The following RAB2A variants were observed in gnomAD, a reference collection of about 807,000 sequenced individuals.
The protein encoded by RAB2A is ras-related protein Rab-2A.
In RAB2A, 7 loss-of-function variants were observed where a neutral mutation model predicts 32.5. That is an observed-to-expected ratio of 0.22 (90% CI 0.12 to 0.40). The LOEUF (loss-of-function observed/expected upper bound fraction) is 0.40. Among genes scored for constraint, RAB2A ranks in the 10% least tolerant of loss-of-function variants. The probability of loss-of-function intolerance (pLI) is 1.00; values close to 1 mark genes in which losing one functional copy is unlikely to be tolerated. For missense variants in RAB2A, 108 were observed against 260.7 expected (o/e 0.41, Z 4.03); for synonymous variants, 79 against 85.2 (o/e 0.93, Z 0.40).
At chr8:60,546,855 T>G (rs2130821064) in intron 1 of RAB2A, among the ~76,000 whole-genome samples, 1 of 151,526 alleles carries the variant, frequency 6.6e-6, no homozygotes, top group South Asian at 2.1e-4. Context: ...GGCCTGAGCA[T>G]CAGTTTGGGT....
chr8:60,600,866 A>C (rs1158168168), intron 6 of RAB2A, among the ~76,000 whole-genome samples: 3 of 152,232 alleles, frequency 2.0e-5, no homozygotes, highest in African/African-American at 7.2e-5. Context: ...TTGAAATGAT[A>C]AAAATTTTTG....
In RAB2A at chr8:60,572,755, A is replaced by T. The variant is rs573761177; in HGVS notation, c.186+642A>T. On this transcript the variant is annotated intron_variant, in intron 3 of 7. Transcript: ENST00000262646. ...ATTTTGTTTCAGAACTACTTTATAC[A>T]TTTAAAAATTAATGAAGACCCCCAA... is the stretch of plus-strand genomic sequence containing the variant. Among the ~76,000 whole-genome samples, 10 of 152,342 alleles carry T rather than the reference A, an allele frequency of 6.6e-5. No individual in the cohort carries two copies. In the East Asian group the frequency reaches 1.2e-3, roughly 18 times the overall value.
chr8:60,525,184 G>A (rs879269103), intron 1 of RAB2A, among the ~76,000 whole-genome samples: 3 of 152,182 alleles, frequency 2.0e-5, no homozygotes, highest in Non-Finnish European at 4.4e-5. Context: ...CACGTGTTGA[G>A]GGAGGGATCC....
In RAB2A at chr8:60,618,655, A is replaced by G; in HGVS notation, c.543+7A>G. 2 of 1,018,950 alleles carry G rather than the reference A, an allele frequency of 2.0e-6. No individual in the cohort carries two copies. The highest frequency in any genetic ancestry group is 2.6e-6 in the Non-Finnish European group (2 of 759,156). 63.1% of individuals were successfully genotyped at this position (1,018,950 alleles called of 1,614,324 possible). A position where few individuals can be genotyped will look rare whatever the true frequency, so the allele number is the denominator to read the frequency against. ...CTTTGACATTAATAATGAGGTATAT[A>G]CATATAAATATTGTTGGTCAATATT... On this transcript the variant is annotated splice_region_variant and intron_variant, in intron 7 of 7. Coordinates refer to ENST00000262646, the MANE Select transcript of RAB2A (RefSeq NM_002865.3).
chr8:60,558,362 A>G (rs567510164), intron 1 of RAB2A: 1 of 468,970 alleles, frequency 2.1e-6, no homozygotes, highest in African/African-American at 2.0e-5. Flanking sequence ...TGCAATTCAG[A>G]TTCCATTTGC....
chr8:60,546,453 A>G (rs1450843257), intron 1 of RAB2A, among the ~76,000 whole-genome samples: 1 of 152,220 alleles, frequency 6.6e-6, no homozygotes, highest in Non-Finnish European at 1.5e-5. Flanking sequence ...ACGAGTTGCT[A>G]GATCTCCAAA....
At chr8:60,608,656 C>G (rs1386952260) in intron 6 of RAB2A, among the ~76,000 whole-genome samples, 1 of 126,784 alleles carries the variant, frequency 7.9e-6, no homozygotes, top group Non-Finnish European at 1.6e-5. Flanking sequence ...TTTACCAGTT[C>G]TTTGTTCCAC....
intron 1 of RAB2A, among the ~76,000 whole-genome samples, chr8:60,530,538 C>A (rs2130810074): frequency 6.6e-6 from 1 of 152,256 alleles, no homozygotes; most frequent in African/African-American, 2.4e-5. Flanking sequence ...GATCCTCCCA[C>A]CTCGGCCTTC....
chr8:60,609,500 C>T (rs1804299246), intron 6 of RAB2A, among the ~76,000 whole-genome samples: 1 of 152,212 alleles, frequency 6.6e-6, no homozygotes, highest in African/African-American at 2.4e-5. Context: ...CTGCAACCCC[C>T]ACATGGTAGA....
At chr8:60,605,713 TC>T (rs1804217289) in intron 6 of RAB2A, among the ~76,000 whole-genome samples, 1 of 151,976 alleles carries the variant, frequency 6.6e-6, no homozygotes, top group Admixed American at 6.5e-5. Context: ...ATAGCCCCTT[TC>T]TTTTGGCCAA....
intron 1 of RAB2A, among the ~76,000 whole-genome samples, chr8:60,527,378 T>C (rs1382438659): frequency 6.6e-6 from 1 of 151,892 alleles, no homozygotes; most frequent in South Asian, 2.1e-4. Flanking sequence ...TAAAATAAGA[T>C]CAGAAGAGGT....
At position 60,592,161 on chromosome 8, in the gene RAB2A, A is replaced by AG. The variant is rs1037885960; in HGVS notation, c.474+192_474+193insG. On this transcript the variant is annotated intron_variant, in intron 6 of 7. Transcript: ENST00000262646. ...ACTCTTAAATCATATTGAGCCTTCT[A>AG]AAGCCTGAATGTTTTCTTACATTTT... The AG allele has an allele frequency of 1.1e-5, 4 of 365,830 alleles. No individual in the cohort carries two copies. The African/African-American group carries it at 1.4e-4, about 13-fold the overall frequency. The allele number at this position is 365,830 out of a possible 1,614,324, so 22.7% of individuals were successfully genotyped here.
chr8:60,587,741 T>C (rs1803873684), intron 5 of RAB2A, among the ~76,000 whole-genome samples: 1 of 151,234 alleles, frequency 6.6e-6, no homozygotes, highest in Non-Finnish European at 1.5e-5. Flanking sequence ...ATGATAAATA[T>C]ATGCAATTTT....
intron 3 of RAB2A, among the ~76,000 whole-genome samples, chr8:60,583,780 T>C (rs527648066): frequency 6.6e-6 from 1 of 152,220 alleles, no homozygotes; most frequent in Non-Finnish European, 1.5e-5. Context: ...TATTCTAGTG[T>C]CAACAGCTGC....
At chr8:60,534,247 A>G (rs1337925940) in intron 1 of RAB2A, among the ~76,000 whole-genome samples, 1 of 152,204 alleles carries the variant, frequency 6.6e-6, no homozygotes, top group Non-Finnish European at 1.5e-5. Flanking sequence ...TGTGACATTC[A>G]TATATGTTCT....
At chr8:60,580,916 G>T (rs1441626529) in intron 3 of RAB2A, among the ~76,000 whole-genome samples, 1 of 152,158 alleles carries the variant, frequency 6.6e-6, no homozygotes, top group Non-Finnish European at 1.5e-5. Flanking sequence ...GGAGAGATTG[G>T]TTTAAAGGAC....
At chr8:60,548,645 AC>A (rs554167296) in intron 1 of RAB2A, among the ~76,000 whole-genome samples, 1 of 138,210 alleles carries the variant, frequency 7.2e-6, no homozygotes, top group African/African-American at 2.8e-5. Context: ...CGGGGGGCTG[AC>A]CCCCCCACCT....
intron 2 of RAB2A, among the ~76,000 whole-genome samples, chr8:60,568,341 C>G (rs1808146668): frequency 6.9e-6 from 1 of 145,842 alleles, no homozygotes; most frequent in African/African-American, 2.5e-5. Flanking sequence ...GATTACCTGG[C>G]TCTGACAGAT....
At chr8:60,542,422 G>C (rs1207036205) in intron 1 of RAB2A, among the ~76,000 whole-genome samples, 1 of 152,220 alleles carries the variant, frequency 6.6e-6, no homozygotes, top group African/African-American at 2.4e-5. Flanking sequence ...GCTGAGGCAG[G>C]AGAATCGCTT....
Sources: gnomAD v4.1 joint callset for allele counts (sites outside exome capture counted in the v4.1 genomes callset) on GRCh38, gnomAD v4.1.1 for gene constraint, MANE v1.5 for transcripts, NCBI Gene and HGNC (gene_info 2026-07-23, HGNC 2026-07-21) for gene names.